SLC44A5: variants seen among roughly 807,000 people sequenced by gnomAD.
SLC44A5 encodes the protein solute carrier family 44 member 5.
In SLC44A5, 57 loss-of-function variants were observed where a neutral mutation model predicts 101.8. That is an observed-to-expected ratio of 0.56 (90% CI 0.45 to 0.70). The LOEUF (loss-of-function observed/expected upper bound fraction) is 0.70, where lower values mean the gene tolerates loss of function less well. Ranked by LOEUF, SLC44A5 falls within the 30% of genes least tolerant of loss-of-function variation. The pLI is 0.00. For missense variants in SLC44A5, 737 were observed against 853.1 expected (o/e 0.86, Z 1.70); for synonymous variants, 281 against 290.9 (o/e 0.97, Z 0.35).
chr1:75,670,502 A>G, the SLC44A5 span, among the ~76,000 whole-genome samples: 1 of 152,298 alleles, frequency 6.6e-6, no homozygotes, highest in Non-Finnish European at 1.5e-5. Flanking sequence ...CCCATGAAAA[A>G]CTAAAGTTAT....
chr1:75,661,387 TAAAAAAAA>T, the SLC44A5 span, among the ~76,000 whole-genome samples: 5 of 53,600 alleles, frequency 9.3e-5, no homozygotes, highest in Admixed American at 1.5e-3. Flanking sequence ...CTACTGCAAG[TAAAAAAAA>T]AAAAAAAAAA....
At chr1:75,255,936 G>T (rs1008900265) in intron 6 of SLC44A5, among the ~76,000 whole-genome samples, 11 of 151,980 alleles carry the variant, frequency 7.2e-5, no homozygotes, top group African/African-American at 2.7e-4. Context: ...GAAAAGAAAA[G>T]ATGAAGAGAC....
chr1:75,252,684 G>C (rs977789998), intron 6 of SLC44A5, among the ~76,000 whole-genome samples: 1 of 152,208 alleles, frequency 6.6e-6, no homozygotes, highest in African/African-American at 2.4e-5. Context: ...TTATGTGGCA[G>C]ACCTGCTAGT....
In SLC44A5 at chr1:75,203,353, C is replaced by A. The variant is rs1191564767; in HGVS notation, c.*374G>T. On this transcript the variant is annotated 3_prime_UTR_variant, in exon 24 of 24. Coordinates refer to ENST00000370859, the MANE Select transcript of SLC44A5 (RefSeq NM_001130058.2). Reference sequence around the variant, plus strand: ...GACCAATTTTCCCTGCAGAAGAAGTCTTCTTTTAGTTGTAATTTTAAAAAT... The same window carrying A: ...GACCAATTTTCCCTGCAGAAGAAGTATTCTTTTAGTTGTAATTTTAAAAAT... 1 of 154,950 alleles carries A rather than the reference C, an allele frequency of 6.5e-6. No homozygotes were observed. The highest frequency in any genetic ancestry group is 2.4e-5 in the African/African-American group (1 of 41,580). 9.6% of individuals were successfully genotyped at this position (154,950 alleles called of 1,614,324 possible).
intron 4 of SLC44A5, among the ~76,000 whole-genome samples, chr1:75,315,372 T>C (rs1655613361): frequency 6.6e-6 from 1 of 152,172 alleles, no homozygotes; most frequent in Non-Finnish European, 1.5e-5. Context: ...ATCCCAATAA[T>C]ATTTAATATT....
chr1:75,206,312 A>G (rs1646748197), intron 23 of SLC44A5: 1 of 252,162 alleles, frequency 4.0e-6, no homozygotes. Flanking sequence ...AAAGGCTATT[A>G]AAGTGCTGCA....
intron 3 of SLC44A5, among the ~76,000 whole-genome samples, chr1:75,361,388 G>A (rs1262092653): frequency 6.6e-6 from 1 of 151,940 alleles, no homozygotes; most frequent in Non-Finnish European, 1.5e-5. Context: ...TTTTATCCCT[G>A]ATCTTAGAGG....
chr1:75,211,336 T>G (rs1181674831), intron 23 of SLC44A5, 132 bp downstream of exon 23: 1 of 614,204 alleles, frequency 1.6e-6, no homozygotes, highest in Non-Finnish European at 2.9e-6. Context: ...CAATATCTCT[T>G]TCCAGATAAA....
Position 75,339,755 on chromosome 1 carries a change from G to A in SLC44A5, c.53-125C>T, listed in dbSNP as rs1057457180. 2.5e-5 allele frequency: 18 copies of A among 721,120 alleles called. No homozygotes were observed. In the African/African-American group the frequency reaches 2.8e-4, roughly 11 times the overall value. 44.7% of individuals were successfully genotyped at this position (721,120 alleles called of 1,614,324 possible). On this transcript the variant is annotated intron_variant, in intron 3 of 23. Transcript: ENST00000370859. ...CAGTGCAGTGATGAATTCATACTTT[G>A]GTTTGATGAAACATAAGTATGTCTT... is the stretch of plus-strand genomic sequence containing the variant.
chr1:75,559,470 G>A (rs1409384525), intron 1 of SLC44A5, among the ~76,000 whole-genome samples: 1 of 152,082 alleles, frequency 6.6e-6, no homozygotes, highest in Admixed American at 6.6e-5. Flanking sequence ...TGATAATATC[G>A]GATAGTTCAC....
intron 2 of SLC44A5, among the ~76,000 whole-genome samples, chr1:75,473,889 G>T (rs1667244330): frequency 6.6e-6 from 1 of 152,044 alleles, no homozygotes; most frequent in African/African-American, 2.4e-5. Context: ...GTAATATAAT[G>T]AATCTTCTAA....
chr1:75,642,516 A>G, the SLC44A5 span, among the ~76,000 whole-genome samples: 1 of 152,162 alleles, frequency 6.6e-6, no homozygotes, highest in South Asian at 2.1e-4. Context: ...TAATTTAATT[A>G]TAAAGTCTCA....
the SLC44A5 span, among the ~76,000 whole-genome samples, chr1:75,651,972 A>G: frequency 6.6e-6 from 1 of 152,132 alleles, no homozygotes; most frequent in East Asian, 1.9e-4. Flanking sequence ...GAAAACCCTG[A>G]AACAAGTGAT....
chr1:75,461,986 G>A (rs1248645232), intron 2 of SLC44A5, among the ~76,000 whole-genome samples: 3 of 152,208 alleles, frequency 2.0e-5, no homozygotes, highest in Non-Finnish European at 1.5e-5. Flanking sequence ...AAGGACGCAG[G>A]CCTGGCTGAC....
At chr1:75,667,442 T>C in the SLC44A5 span, among the ~76,000 whole-genome samples, 1,237 of 152,064 alleles carry the variant, frequency 8.1e-3, 5 homozygotes, top group Non-Finnish European at 0.012. Context: ...ACAAACAAAA[T>C]AGAAAAATAT....
intron 11 of SLC44A5, among the ~76,000 whole-genome samples, chr1:75,236,356 G>T (rs1648077302): frequency 6.6e-6 from 1 of 151,976 alleles, no homozygotes; most frequent in Admixed American, 6.6e-5. Context: ...AGTCTTAAAT[G>T]GGTCACACAT....
chr1:75,217,821 C>A, intron 18 of SLC44A5, 45 bp downstream of exon 18: 1 of 1,288,786 alleles, frequency 7.8e-7, no homozygotes, highest in Non-Finnish European at 1.1e-6. Context: ...CAACCCCCAA[C>A]CCAATTTATT....
intron 2 of SLC44A5, among the ~76,000 whole-genome samples, chr1:75,506,006 C>A (rs75525546): frequency 6.6e-6 from 1 of 152,062 alleles, no homozygotes; most frequent in Non-Finnish European, 1.5e-5. Flanking sequence ...AATATTTAAT[C>A]CATCTCACAT....
chr1:75,449,454 ATAGT>A (rs1665769819), intron 2 of SLC44A5, among the ~76,000 whole-genome samples: 1 of 152,138 alleles, frequency 6.6e-6, no homozygotes. Flanking sequence ...AGTTACCAAG[ATAGT>A]TAGCCTATGT....
Sources: allele counts gnomAD v4.1 joint callset (sites outside exome capture counted in the v4.1 genomes callset), GRCh38; gene constraint gnomAD v4.1.1; transcripts MANE v1.5; gene names NCBI Gene and HGNC (gene_info 2026-07-23, HGNC 2026-07-21).